The following THSD4 variants were observed in gnomAD, a reference collection of about 807,000 sequenced individuals.
THSD4 encodes the protein thrombospondin type-1 domain-containing protein 4.
A neutral mutation model predicts 119.0 loss-of-function variants in THSD4; 69 were observed. The ratio of observed to expected loss-of-function variants is 0.58; its 90% confidence interval spans 0.48 to 0.71. The LOEUF (loss-of-function observed/expected upper bound fraction) is 0.71. Ranked by LOEUF, THSD4 falls within the 30% of genes least tolerant of loss-of-function variation. The pLI, the probability that THSD4 is intolerant of heterozygous loss-of-function variation, is 0.00. For synonymous variants in THSD4, 524 were observed against 540.4 expected, an observed-to-expected ratio of 0.97 and a Z score of 0.42; for missense variants, 1,393 against 1,391.1, an observed-to-expected ratio of 1.00 and a Z score of -0.02.
chr15:71,389,807 G>GTTTTTT (rs1237701264), intron 6 of THSD4, among the ~76,000 whole-genome samples: 4 of 46,248 alleles, frequency 8.6e-5, no homozygotes, highest in East Asian at 3.7e-4. Context: ...TATTTTCTGG[G>GTTTTTT]TTGTTTTTTT....
chr15:71,434,076 AT>A (rs1183554468), intron 7 of THSD4, among the ~76,000 whole-genome samples: 1 of 152,194 alleles, frequency 6.6e-6, no homozygotes, highest in African/African-American at 2.4e-5. Context: ...AAATGTCCTA[AT>A]TAAATTCTGA....
At chr15:71,609,889 C>T (rs1330083154) in intron 7 of THSD4, among the ~76,000 whole-genome samples, 2 of 149,708 alleles carry the variant, frequency 1.3e-5, no homozygotes, top group Non-Finnish European at 1.5e-5. Flanking sequence ...AAAGAAACAA[C>T]AACCAGAACT....
intron 8 of THSD4, among the ~76,000 whole-genome samples, chr15:71,685,949 T>C (rs1266375701): frequency 1.3e-5 from 2 of 152,178 alleles, no homozygotes; most frequent in Admixed American, 6.5e-5. Context: ...AATGGAAATA[T>C]ATCCATTTTT....
chr15:71,653,989 A>T lies in THSD4; in HGVS notation c.1153-6541A>T, dbSNP rs16955966. Among the ~76,000 whole-genome samples, 739 of 152,254 alleles carry T rather than the reference A, an allele frequency of 4.9e-3. 6 individuals carry two copies. Among genetic ancestry groups the T allele is most frequent in the African/African-American group, 0.017 (698 of 41,552 alleles). Reference sequence around the variant, plus strand: ...TGATTGTGTCTGACTTTCAATTTAGACCAGGGATTGGCAATTTTTTTCTGT... The same window carrying T: ...TGATTGTGTCTGACTTTCAATTTAGTCCAGGGATTGGCAATTTTTTTCTGT... On this transcript the variant is annotated intron_variant, in intron 7 of 17. Transcript: ENST00000261862.
At chr15:71,365,007 T>A (rs1364741940) in intron 6 of THSD4, among the ~76,000 whole-genome samples, 1 of 152,178 alleles carries the variant, frequency 6.6e-6, no homozygotes, top group African/African-American at 2.4e-5. Flanking sequence ...TTCTATTGTT[T>A]TGGCACCTAA....
intron 6 of THSD4, among the ~76,000 whole-genome samples, chr15:71,324,047 C>A (rs776125342): frequency 3.9e-5 from 6 of 152,158 alleles, no homozygotes; most frequent in Non-Finnish European, 7.3e-5. Context: ...CAGTGTTTCC[C>A]AACCCTCTCT....
At chr15:71,711,953 T>C (rs2052525748) in intron 8 of THSD4, among the ~76,000 whole-genome samples, 1 of 152,124 alleles carries the variant, frequency 6.6e-6, no homozygotes, top group African/African-American at 2.4e-5. Context: ...TCCCCAACAA[T>C]GCTTGGACAC....
intron 4 of THSD4, among the ~76,000 whole-genome samples, chr15:71,216,771 G>A (rs2043936543): frequency 6.6e-6 from 1 of 152,242 alleles, no homozygotes; most frequent in Non-Finnish European, 1.5e-5. Flanking sequence ...TTTGATCCCA[G>A]CCACAATGCC....
rs1449487486 is a variant in THSD4, at chr15:71,697,529, G to C, written c.1358-31020G>C. On this transcript the variant is annotated intron_variant, in intron 8 of 17. Coordinates refer to ENST00000261862, the MANE Select transcript of THSD4 (RefSeq NM_024817.3). ...GCCGGCAGGCAGGCAAAGAAGTAGG[G>C]CACATCCAAGGGGCTCTGCTGTAAA... 2.0e-5 allele frequency among the ~76,000 whole-genome samples: 3 copies of C among 152,226 alleles called. No individual in the cohort carries two copies. The East Asian group carries it at 5.8e-4, about 29-fold the overall frequency.
chr15:71,457,705 G>T (rs556756078), intron 7 of THSD4, among the ~76,000 whole-genome samples: 2 of 152,178 alleles, frequency 1.3e-5, no homozygotes, highest in African/African-American at 4.8e-5. Context: ...CTGTTCAGAG[G>T]GTCATCTTCT....
At chr15:71,672,462 A>G (rs546097712) in intron 8 of THSD4, among the ~76,000 whole-genome samples, 2 of 152,258 alleles carry the variant, frequency 1.3e-5, no homozygotes, top group Non-Finnish European at 2.9e-5. Flanking sequence ...TCTTTTCCTA[A>G]TTGAATACCC....
At chr15:71,537,274 G>A (rs75486054) in intron 7 of THSD4, among the ~76,000 whole-genome samples, 8,782 of 151,904 alleles carry the variant, frequency 0.058, 282 homozygotes, top group Middle Eastern at 0.095. Flanking sequence ...TAATCCCTTC[G>A]CCATACAACA....
intron 6 of THSD4, among the ~76,000 whole-genome samples, chr15:71,366,866 C>T (rs922994857): frequency 4.6e-5 from 7 of 152,172 alleles, no homozygotes; most frequent in African/African-American, 2.4e-5. Flanking sequence ...GAGACCAAAT[C>T]GAACCCTCTA....
chr15:71,669,346 C>T (rs933731905), intron 8 of THSD4, among the ~76,000 whole-genome samples: 77 of 152,258 alleles, frequency 5.1e-4, no homozygotes, highest in African/African-American at 1.7e-3. Flanking sequence ...TGATGTCTAT[C>T]TAAAATATTA....
chr15:71,568,147 T>C (rs1480741401), intron 7 of THSD4, among the ~76,000 whole-genome samples: 1 of 152,180 alleles, frequency 6.6e-6, no homozygotes, highest in East Asian at 1.9e-4. Context: ...CTGCTAGCTC[T>C]TCTCTAGTTT....
At chr15:71,135,481 C>T (rs921849209) in intron 1 of THSD4, among the ~76,000 whole-genome samples, 6 of 151,818 alleles carry the variant, frequency 4.0e-5, no homozygotes, top group Admixed American at 6.6e-5. Flanking sequence ...AGATGATCTC[C>T]TCTCTTTCAA....
chr15:71,511,312 G>C (rs2048280376), intron 7 of THSD4, among the ~76,000 whole-genome samples: 2 of 152,258 alleles, frequency 1.3e-5, no homozygotes, highest in African/African-American at 4.8e-5. Flanking sequence ...CTCTTTCTCA[G>C]ATTTGGTTTA....
At chr15:71,387,204 G>T (rs8028898) in intron 6 of THSD4, among the ~76,000 whole-genome samples, 2 of 148,892 alleles carry the variant, frequency 1.3e-5, no homozygotes, top group Non-Finnish European at 3.0e-5. Flanking sequence ...ACTCATTAAC[G>T]TTAAAAAAAA....
intron 6 of THSD4, among the ~76,000 whole-genome samples, chr15:71,397,025 G>A (rs2046463083): frequency 6.6e-6 from 1 of 152,172 alleles, no homozygotes; most frequent in African/African-American, 2.4e-5. Context: ...GCAAGCTGTG[G>A]CACTTCCCAG....
Sources: gnomAD v4.1 joint callset for allele counts (sites outside exome capture counted in the v4.1 genomes callset) on GRCh38, gnomAD v4.1.1 for gene constraint, MANE v1.5 for transcripts, NCBI Gene and HGNC (gene_info 2026-07-23, HGNC 2026-07-21) for gene names.